Variants in OR6J1 observed in about 807,000 individuals in gnomAD.
OR6J1 encodes olfactory receptor 6J1.
For missense variants in OR6J1, 304 were observed against 166.8 expected (o/e 1.82, Z -4.53); for synonymous variants, 109 against 70.0 (o/e 1.56, Z -2.78).
chr14:22,634,885 G>GA (rs1470345443), intron 1 of OR6J1, 47 bp from the exon 2 acceptor site: 2 of 600,088 alleles, frequency 3.3e-6, no homozygotes, highest in East Asian at 5.5e-5. Context: ...TTCAGTGGAT[G>GA]AAACCCCATG....
intron 1 of OR6J1, among the ~76,000 whole-genome samples, chr14:22,641,211 AAGAAAGAAAGAAAG>A (rs2037643567): frequency 6.1e-4 from 1 of 1,634 alleles, no homozygotes; most frequent in African/African-American, 3.1e-3. Flanking sequence ...AGAGAAAGAT[AAGAAAGAAAGAAAG>A]AAAGAAAGAA....
At chr14:22,640,220 G>GGGACGGAA (rs1337281355) in intron 1 of OR6J1, among the ~76,000 whole-genome samples, 59 of 97,074 alleles carry the variant, frequency 6.1e-4, no homozygotes, top group Non-Finnish European at 9.2e-4. Context: ...GAGGGAGGGA[G>GGGACGGAA]GGAGGGAGGG....
intron 1 of OR6J1, among the ~76,000 whole-genome samples, chr14:22,641,783 G>C (rs1445888380): frequency 6.6e-6 from 1 of 152,140 alleles, no homozygotes; most frequent in Non-Finnish European, 1.5e-5. Flanking sequence ...AAAAATCACA[G>C]AAACAGAGGA....
chr14:22,641,210 TAAGAAAGAAAGAAAGAAAGA>T lies in OR6J1; in HGVS notation c.-28+2868_-28+2887del, dbSNP rs992658481. 4.9e-3 allele frequency among the ~76,000 whole-genome samples: 599 copies of T among 122,564 alleles called. 25 individuals carry two copies. The highest frequency in any genetic ancestry group is 0.012 in the Middle Eastern group (3 of 248). 80.4% of individuals were successfully genotyped at this position (122,564 alleles called of 152,430 possible). A position where few individuals can be genotyped will look rare whatever the true frequency, so the allele number is the denominator to read the frequency against. On this transcript the variant is annotated intron_variant, in intron 1 of 1. Coordinates refer to ENST00000540461, the MANE Select transcript of OR6J1 (RefSeq NM_001348233.2). Reference sequence around the variant, plus strand: ...AGAGAGACAGAGAGGGAGAGAAAGATAAGAAAGAAAGAAAGAAAGAAAGAAAGAAAGAAAGAAAGAAAGAA... The same window carrying T: ...AGAGAGACAGAGAGGGAGAGAAAGATAAGAAAGAAAGAAAGAAAGAAAGAA...
intron 1 of OR6J1, among the ~76,000 whole-genome samples, chr14:22,636,152 A>G (rs1280001515): frequency 6.6e-6 from 1 of 151,756 alleles, no homozygotes; most frequent in Non-Finnish European, 1.5e-5. Context: ...ACTCCATTAA[A>G]GAGGAAAAAT....
chr14:22,637,011 G>C (rs1288643589), intron 1 of OR6J1, among the ~76,000 whole-genome samples: 3 of 126,398 alleles, frequency 2.4e-5, no homozygotes, highest in East Asian at 2.0e-4. Context: ...GAAGTGAGGA[G>C]CGTCTCTGCC....
chr14:22,637,058 C>A (rs1240834302), intron 1 of OR6J1, among the ~76,000 whole-genome samples: 1 of 122,252 alleles, frequency 8.2e-6, no homozygotes, highest in Non-Finnish European at 1.6e-5. Flanking sequence ...AGCACCTCTG[C>A]CCCGCCGCCC....
At chr14:22,636,093 G>C (rs1049093788) in intron 1 of OR6J1, among the ~76,000 whole-genome samples, 18 of 151,810 alleles carry the variant, frequency 1.2e-4, no homozygotes, top group Admixed American at 1.1e-3. Flanking sequence ...AAAGCAGTAA[G>C]AAATAGATAA....
At position 22,634,049 on chromosome 14, in the gene OR6J1, C is replaced by G. The variant is rs1309436249; in HGVS notation, c.763G>C (p.Val255Leu). 6 of 702,912 alleles carry G rather than the reference C, an allele frequency of 8.5e-6. No homozygotes were observed. The East Asian group carries it at 1.6e-4, about 19-fold the overall frequency. The allele number at this position is 702,912 out of a possible 1,614,324, so 43.5% of individuals were successfully genotyped here. A position where few individuals can be genotyped will look rare whatever the true frequency, so the allele number is the denominator to read the frequency against. ...TIVIISSGITVFIYVTPSQKE... is the reference protein window; with the variant it reads ...TIVIISSGITLFIYVTPSQKE... ...TGGGAGGGAGTCACATAGATAAACA[C>G]AGTGATGCCACTAGAAATGATGACT... Residue 255 changes from valine to leucine, a missense_variant, in exon 2 of 2, where the codon GTG (valine) becomes CTG (leucine). Transcript: ENST00000540461.
At position 22,633,675 on chromosome 14, in the gene OR6J1, T is replaced by C. The variant is rs1207300010; in HGVS notation, c.*93A>G. On this transcript the variant is annotated 3_prime_UTR_variant, in exon 2 of 2. Coordinates refer to ENST00000540461, the MANE Select transcript of OR6J1 (RefSeq NM_001348233.2). ...TTAAAGTGAAAACCAAGGCCAGCGT[T>C]CAAGTCTCTGTCTCCGCAGTCAGTC... is the stretch of plus-strand genomic sequence containing the variant. 5.0e-6 allele frequency: 3 copies of C among 600,416 alleles called. No homozygotes were observed. Among genetic ancestry groups the C allele is most frequent in the Admixed American group, 3.0e-5 (1 of 33,298 alleles). 37.2% of individuals were successfully genotyped at this position (600,416 alleles called of 1,614,324 possible).
Position 22,631,305 on chromosome 14 carries a change from A to C in OR6J1, c.*2463T>G, listed in dbSNP as rs187041307. 6.6e-6 allele frequency: 1 copy of C among 152,152 alleles called. No individual in the cohort carries two copies. The highest frequency in any genetic ancestry group is 1.5e-5 in the Non-Finnish European group (1 of 68,022). 9.4% of individuals were successfully genotyped at this position (152,152 alleles called of 1,614,324 possible). ...GGAGCGCTATGGGAGACTGGGGTCT[A>C]TTTGACCCCTACAGTCTACAGACCA... On this transcript the variant is annotated 3_prime_UTR_variant, in exon 2 of 2. Transcript: ENST00000540461.
rs902719627 is a variant in OR6J1, at chr14:22,634,309, C to G, written c.503G>C (p.Cys168Ser). The G allele has an allele frequency of 5.7e-6, 4 of 703,346 alleles. No individual in the cohort carries two copies. The highest frequency in any genetic ancestry group is 2.0e-5 in the Admixed American group (1 of 49,994). The allele number at this position is 703,346 out of a possible 1,614,324, so 43.6% of individuals were successfully genotyped here. A position where few individuals can be genotyped will look rare whatever the true frequency, so the allele number is the denominator to read the frequency against. ...PTILISQLPFCGSNIINHFFC... is the reference protein window; with the variant it reads ...PTILISQLPFSGSNIINHFFC... Reference sequence around the variant, plus strand: ...GAAGTGGTTAATGATATTGGAGCCACAGAAGGGCAGCTGGGAGATGAGGAT... The same window carrying G: ...GAAGTGGTTAATGATATTGGAGCCAGAGAAGGGCAGCTGGGAGATGAGGAT... The change falls in exon 2 of 2, where the codon TGT becomes TCT. Residue 168 changes from cysteine (C) to serine (S), a missense_variant. Coordinates refer to ENST00000540461, the MANE Select transcript of OR6J1 (RefSeq NM_001348233.2).
intron 1 of OR6J1, among the ~76,000 whole-genome samples, chr14:22,636,839 G>A (rs61972435): frequency 5.1e-5 from 6 of 117,128 alleles, no homozygotes; most frequent in East Asian, 2.2e-4. Context: ...CCGCCACCCC[G>A]TCTGGGAAGT....
intron 1 of OR6J1, among the ~76,000 whole-genome samples, chr14:22,637,302 C>A (rs1172563320): frequency 3.4e-5 from 2 of 59,670 alleles, no homozygotes; most frequent in Non-Finnish European, 6.2e-5. Context: ...GCCCCCCGCC[C>A]GGCCAGCTGC....
intron 1 of OR6J1, 143 bp from the exon 2 acceptor site, chr14:22,634,981 T>C (rs2037573974): frequency 1.4e-5 from 8 of 566,230 alleles, no homozygotes; most frequent in Non-Finnish European, 2.5e-5. Context: ...TTCAATTATT[T>C]GCCTATCAAA....
intron 1 of OR6J1, among the ~76,000 whole-genome samples, chr14:22,637,739 A>T: frequency 2.4e-5 from 1 of 41,796 alleles, no homozygotes; most frequent in Admixed American, 2.2e-4. Context: ...AGGTGGGGGG[A>T]TCAGCCCCCC....
At position 22,631,053 on chromosome 14, in the gene OR6J1, A is replaced by AG. The variant is rs1321492535; in HGVS notation, c.*2714dup. ...TCAAAAGGGGAGGGAGTGTACGAAT[A>AG]GGTGTGGGTCACAGAGGTCACGTAC... On this transcript the variant is annotated 3_prime_UTR_variant, in exon 2 of 2. Transcript: ENST00000540461. 9 of 152,220 alleles carry AG rather than the reference A, an allele frequency of 5.9e-5. No individual in the cohort carries two copies. The highest frequency in any genetic ancestry group is 2.2e-4 in the African/African-American group (9 of 41,448). The allele number at this position is 152,220 out of a possible 1,614,324, so 9.4% of individuals were successfully genotyped here.
intron 1 of OR6J1, among the ~76,000 whole-genome samples, chr14:22,642,430 C>T (rs2037659795): frequency 6.6e-6 from 1 of 150,688 alleles, no homozygotes; most frequent in South Asian, 2.1e-4. Flanking sequence ...CCTCCACCTC[C>T]AGGGTTCAAG....
At chr14:22,640,779 C>T (rs1270322506) in intron 1 of OR6J1, among the ~76,000 whole-genome samples, 1 of 151,478 alleles carries the variant, frequency 6.6e-6, no homozygotes, top group Admixed American at 6.6e-5. Context: ...CCTCTACTTC[C>T]CAAAGTGTTG....
Sources: gnomAD v4.1 joint callset for allele counts (sites outside exome capture counted in the v4.1 genomes callset) on GRCh38, gnomAD v4.1.1 for gene constraint, MANE v1.5 for transcripts, NCBI Gene and HGNC (gene_info 2026-07-23, HGNC 2026-07-21) for gene names.